The following FGD3 variants were observed in gnomAD, a reference collection of about 807,000 sequenced individuals.
FGD3 encodes the protein FYVE, RhoGEF and PH domain containing 3.
A neutral mutation model predicts 71.8 loss-of-function variants in FGD3; 45 were observed. That is an observed-to-expected ratio of 0.63 (90% CI 0.49 to 0.80). The LOEUF (loss-of-function observed/expected upper bound fraction) is 0.80. Ranked by LOEUF, FGD3 falls within the 30% of genes least tolerant of loss-of-function variation. The pLI is 0.00. For synonymous variants in FGD3, 378 were observed against 392.8 expected (o/e 0.96, Z 0.44); for missense variants, 844 against 951.5 (o/e 0.89, Z 1.49).
chr9:93,016,956 G>C lies in FGD3; in HGVS notation c.1275+1127G>C, dbSNP rs535036648. On this transcript the variant is annotated intron_variant, in intron 10 of 17. Coordinates refer to ENST00000375482, the MANE Select transcript of FGD3 (RefSeq NM_001083536.2). ...TTTTGTAGAGAAACACTAGAAAAGTGGTTTCTTCTAACTACTATAAAAAGC... is the reference window on the plus strand; with the variant it reads ...TTTTGTAGAGAAACACTAGAAAAGTCGTTTCTTCTAACTACTATAAAAAGC... Among the ~76,000 whole-genome samples the C allele has an allele frequency of 2.6e-5, 4 of 152,314 alleles. No individual in the cohort carries two copies. The South Asian group carries it at 6.2e-4, about 24-fold the overall frequency.
At chr9:93,008,167 AT>A (rs11350735) in intron 6 of FGD3, among the ~76,000 whole-genome samples, 6,324 of 152,332 alleles carry the variant, frequency 0.042, 155 homozygotes, top group Middle Eastern at 0.071. Context: ...ACAGATGATG[AT>A]GACTTTTGAG....
chr9:92,964,871 TC>T (rs1461688489), intron 1 of FGD3, among the ~76,000 whole-genome samples: 1 of 152,150 alleles, frequency 6.6e-6, no homozygotes, highest in Non-Finnish European at 1.5e-5. Flanking sequence ...AGGAGGGTGG[TC>T]CCAGACGTGT....
chr9:92,971,186 G>A (rs1859514236), intron 1 of FGD3, among the ~76,000 whole-genome samples: 1 of 152,162 alleles, frequency 6.6e-6, no homozygotes, highest in Non-Finnish European at 1.5e-5. Flanking sequence ...ACTTCAGTGT[G>A]TGAATTGGGG....
chr9:93,003,948 C>T lies in FGD3; in HGVS notation c.544-53C>T, dbSNP rs1453162779. ...ACCTGTGGCCGAAGCGGGGCGGCAA[C>T]TGTGCTCAGTGGAAGAGGCTCACTG... On this transcript the variant is annotated intron_variant, in intron 4 of 17. Coordinates refer to ENST00000375482, the MANE Select transcript of FGD3 (RefSeq NM_001083536.2). The surrounding 1 kb of genome is among the most constrained non-coding windows in gnomAD (Gnocchi z 4.1). The T allele has an allele frequency of 6.2e-7, 1 of 1,605,652 alleles. No individual in the cohort carries two copies.
At chr9:92,959,416 C>T (rs1226929850) in intron 1 of FGD3, among the ~76,000 whole-genome samples, 1 of 151,910 alleles carries the variant, frequency 6.6e-6, no homozygotes, top group Non-Finnish European at 1.5e-5. Context: ...ACATCTCTGA[C>T]ATTGGGCAAG....
chr9:93,022,926 GC>G (rs1730834816), intron 14 of FGD3, among the ~76,000 whole-genome samples: 1 of 152,158 alleles, frequency 6.6e-6, no homozygotes, highest in African/African-American at 2.4e-5. Flanking sequence ...TGCTGCTCCG[GC>G]CAGGCAGACT....
intron 12 of FGD3, 152 bp from the exon 13 acceptor site, chr9:93,020,165 A>T: frequency 4.2e-6 from 3 of 720,374 alleles, no homozygotes; most frequent in Non-Finnish European, 6.8e-6. Context: ...AGACCACATC[A>T]TTGGTAGGGG....
intron 3 of FGD3, among the ~76,000 whole-genome samples, chr9:92,998,527 G>A (rs944242641): frequency 5.9e-5 from 9 of 152,320 alleles, no homozygotes; most frequent in African/African-American, 2.2e-4. Context: ...GCAAGGAGCT[G>A]TGTTCCTTTG....
intron 3 of FGD3, among the ~76,000 whole-genome samples, chr9:92,998,630 T>A (rs1348867356): frequency 6.6e-6 from 1 of 152,210 alleles, no homozygotes; most frequent in African/African-American, 2.4e-5. Flanking sequence ...TGGTCGTTGA[T>A]GATGGTGACA....
chr9:93,017,007 G>A (rs1423568512), intron 10 of FGD3, among the ~76,000 whole-genome samples: 1 of 152,200 alleles, frequency 6.6e-6, no homozygotes, highest in Non-Finnish European at 1.5e-5. Flanking sequence ...GCTGGCTCAC[G>A]CCTACAATCC....
chr9:93,033,099 A>G, intron 16 of FGD3: 1 of 607,426 alleles, frequency 1.6e-6, no homozygotes. Context: ...CTTGGGAACC[A>G]TTTGCATCCA....
chr9:92,971,561 CTTTTCTTTTTTTTTTTTTTT>C (rs1213299960), intron 1 of FGD3, among the ~76,000 whole-genome samples: 2 of 63,246 alleles, frequency 3.2e-5, no homozygotes, highest in Non-Finnish European at 5.8e-5. Context: ...CTTTTCTTTT[CTTTTCTTTTTTTTTTTTTTT>C]TTTTTTTTTT....
In FGD3 at chr9:92,962,495, C is replaced by T. The variant is rs535492271; in HGVS notation, c.-217-12743C>T. Among the ~76,000 whole-genome samples, 7 of 152,292 alleles carry T rather than the reference C, an allele frequency of 4.6e-5. No homozygotes were observed. In the East Asian group the frequency reaches 1.4e-3, roughly 29 times the overall value. On this transcript the variant is annotated intron_variant, in intron 1 of 17. Coordinates refer to ENST00000375482, the MANE Select transcript of FGD3 (RefSeq NM_001083536.2). ...GGCAGGAGCCAAGACTCCAGGGCCC[C>T]GGCATTGACAGCACAGCAACGGTGA...
At chr9:92,950,982 A>G (rs1048960117) in intron 1 of FGD3, among the ~76,000 whole-genome samples, 1 of 152,034 alleles carries the variant, frequency 6.6e-6, no homozygotes, top group East Asian at 1.9e-4. Flanking sequence ...TGGGCCCTGA[A>G]GAGAATGAGG....
At chr9:92,953,505 A>T (rs55991317) in intron 1 of FGD3, among the ~76,000 whole-genome samples, 3,004 of 152,310 alleles carry the variant, frequency 0.02, 83 homozygotes, top group African/African-American at 0.066. Context: ...ATAGTGAGTG[A>T]TGACTAGCCA....
At chr9:92,976,130 G>A in intron 2 of FGD3, 78 bp from the exon 3 acceptor site, 2 of 860,220 alleles carry the variant, frequency 2.3e-6, no homozygotes, top group South Asian at 1.9e-5. Flanking sequence ...CTGCCTGGGA[G>A]CTGCATTTGG....
chr9:92,967,761 G>C (rs1859382426), intron 1 of FGD3, among the ~76,000 whole-genome samples: 1 of 152,172 alleles, frequency 6.6e-6, no homozygotes, highest in African/African-American at 2.4e-5. Context: ...TTTTAGTAGA[G>C]ACAGGGTTTC....
intron 3 of FGD3, among the ~76,000 whole-genome samples, chr9:92,989,618 A>C (rs1266432422): frequency 6.6e-6 from 1 of 152,196 alleles, no homozygotes; most frequent in African/African-American, 2.4e-5. Context: ...AAAGGGGAAA[A>C]GTGGGCTGGA....
intron 15 of FGD3, among the ~76,000 whole-genome samples, chr9:93,032,030 C>T (rs1176950303): frequency 1.3e-5 from 2 of 152,204 alleles, no homozygotes; most frequent in Non-Finnish European, 2.9e-5. Flanking sequence ...GCTAAATTCC[C>T]ATGCTCCACC....
Sources: gnomAD v4.1 joint callset for allele counts (sites outside exome capture counted in the v4.1 genomes callset) on GRCh38, gnomAD v4.1.1 for gene constraint, Gnocchi (gnomAD v3.1) non-coding constraint, MANE v1.5 for transcripts, NCBI Gene and HGNC (gene_info 2026-07-23, HGNC 2026-07-21) for gene names.